Variants in RARS2 observed in about 807,000 individuals in gnomAD.
RARS2 encodes the protein probable arginine--tRNA ligase, mitochondrial.
RARS2 carries 67 observed loss-of-function variants against 88.5 expected under a neutral mutation model. The ratio of observed to expected loss-of-function variants is 0.76; its 90% CI spans 0.62 to 0.93. The LOEUF (loss-of-function observed/expected upper bound fraction) is 0.93. Among genes scored for constraint, RARS2 ranks in the 40% least tolerant of loss-of-function variants. The pLI is 0.00. For synonymous variants in RARS2, 239 were observed against 230.3 expected (o/e 1.04, Z -0.34); for missense variants, 664 against 684.2 (o/e 0.97, Z 0.33).
At chr6:87,584,133 C>T (rs989108615) in intron 1 of RARS2, among the ~76,000 whole-genome samples, 2 of 152,208 alleles carry the variant, frequency 1.3e-5, no homozygotes, top group Admixed American at 1.3e-4. Flanking sequence ...TTATAAAAGA[C>T]TCAAGGTTTC....
At chr6:87,531,682 AGTTGATG>A (rs1443190520) in intron 8 of RARS2, among the ~76,000 whole-genome samples, 7 of 152,208 alleles carry the variant, frequency 4.6e-5, no homozygotes, top group Admixed American at 2.0e-4. Flanking sequence ...ACTAGGGTGG[AGTTGATG>A]GTTTATTAAG....
chr6:87,535,305 A>C (rs1205044055), intron 8 of RARS2, among the ~76,000 whole-genome samples: 1 of 152,190 alleles, frequency 6.6e-6, no homozygotes, highest in Non-Finnish European at 1.5e-5. Context: ...TATTTACTTA[A>C]AGTTGAGAAA....
chr6:87,515,796 AAGACTTGGTATATT>A (rs1771486773), intron 18 of RARS2: 1 of 151,938 alleles, frequency 6.6e-6, no homozygotes, highest in African/African-American at 2.4e-5. Context: ...GACATTTCAT[AAGACTTGGTATATT>A]AGCTGGGCAT....
chr6:87,541,682 G>A (rs1582506402), intron 8 of RARS2, among the ~76,000 whole-genome samples: 1 of 152,064 alleles, frequency 6.6e-6, no homozygotes. Flanking sequence ...AAATTAGCTG[G>A]TTATGGTGGC....
chr6:87,518,031 C>A, intron 17 of RARS2, 138 bp downstream of exon 17: 1 of 1,533,310 alleles, frequency 6.5e-7, no homozygotes, highest in Non-Finnish European at 8.9e-7. Flanking sequence ...CAAATAATCA[C>A]TTTTTAAGGC....
chr6:87,555,493 G>C lies in RARS2; in HGVS notation c.310C>G (p.Gln104Glu), dbSNP rs747983014. Reference protein sequence around the residue: ...RELLTKTVLQQVIEDGSKYGL... With the variant: ...RELLTKTVLQEVIEDGSKYGL... ...TATTTTGAGCCATCTTCAATTACTT[G>C]TTGTAGCACTGTCTGAAAATTAAAG... The change falls in exon 5 of 20, where the codon CAA becomes GAA. Residue 104 changes from glutamine (Q) to glutamate (E), a missense_variant. By Grantham distance (29) the Gln-to-Glu change is conservative. Coordinates refer to ENST00000369536, the MANE Select transcript of RARS2 (RefSeq NM_020320.5). The C allele has an allele frequency of 3.7e-6, 6 of 1,611,708 alleles. No homozygotes were observed. In the Admixed American group the frequency reaches 5.0e-5, roughly 13 times the overall value.
At chr6:87,573,656 A>G (rs763449809) in intron 1 of RARS2, among the ~76,000 whole-genome samples, 47 of 152,174 alleles carry the variant, frequency 3.1e-4, no homozygotes, top group Admixed American at 5.2e-4. Context: ...CTAAGATGGT[A>G]AATTTTACGT....
Position 87,542,004 on chromosome 6 carries a change from T to C in RARS2, c.536-10A>G, listed in dbSNP as rs1453462061. On this transcript the variant is annotated splice_polypyrimidine_tract_variant and intron_variant, in intron 7 of 19. Transcript: ENST00000369536. ...CCAGTTCCCAGAAGACCTACCATGATAATCCGTAAATGAAAAATTATAAAG... is the reference window on the plus strand; with the variant it reads ...CCAGTTCCCAGAAGACCTACCATGACAATCCGTAAATGAAAAATTATAAAG... The C allele has an allele frequency of 6.2e-7, 1 of 1,607,148 alleles. No individual in the cohort carries two copies. Among genetic ancestry groups the C allele is most frequent in the Non-Finnish European group, 8.5e-7 (1 of 1,174,054 alleles).
chr6:87,543,336 G>A (rs1360078940), intron 7 of RARS2, among the ~76,000 whole-genome samples: 2 of 146,456 alleles, frequency 1.4e-5, no homozygotes. Flanking sequence ...AAAAACAAAA[G>A]CAAAAAAACA....
chr6:87,523,527 A>C (rs1176055227), intron 11 of RARS2, among the ~76,000 whole-genome samples: 1 of 152,220 alleles, frequency 6.6e-6, no homozygotes, highest in African/African-American at 2.4e-5. Context: ...AAAAAAGAGA[A>C]AGTACAGGTG....
intron 2 of RARS2, among the ~76,000 whole-genome samples, chr6:87,567,646 T>G (rs1031089650): frequency 2.0e-5 from 3 of 152,274 alleles, no homozygotes; most frequent in Non-Finnish European, 4.4e-5. Context: ...AGTTACATAC[T>G]GTAAAGGAAA....
intron 10 of RARS2, among the ~76,000 whole-genome samples, chr6:87,526,621 G>A (rs1775816085): frequency 6.7e-6 from 1 of 150,368 alleles, no homozygotes; most frequent in Non-Finnish European, 1.5e-5. Flanking sequence ...TAGGACCAAT[G>A]GAATAGAATA....
At chr6:87,569,923 A>G (rs2128189287) in intron 1 of RARS2, among the ~76,000 whole-genome samples, 1 of 152,002 alleles carries the variant, frequency 6.6e-6, no homozygotes, top group East Asian at 1.9e-4. Context: ...GCAAGAGAGG[A>G]GATAAACCAC....
chr6:87,555,149 T>C (rs1188197081), intron 5 of RARS2, among the ~76,000 whole-genome samples: 2 of 130,796 alleles, frequency 1.5e-5, no homozygotes, highest in African/African-American at 5.4e-5. Flanking sequence ...ATAAATAAAG[T>C]GAATAACTAG....
chr6:87,563,356 A>G (rs1788457714), intron 3 of RARS2, among the ~76,000 whole-genome samples: 1 of 152,232 alleles, frequency 6.6e-6, no homozygotes, highest in East Asian at 1.9e-4. Flanking sequence ...AATGGGGAAA[A>G]GGAACTAAAT....
intron 1 of RARS2, among the ~76,000 whole-genome samples, chr6:87,575,559 TGCTATTA>T (rs892628654): frequency 6.6e-6 from 1 of 152,022 alleles, no homozygotes; most frequent in African/African-American, 2.4e-5. Flanking sequence ...GAGGATGAGG[TGCTATTA>T]GCAATAAGTG....
intron 7 of RARS2, among the ~76,000 whole-genome samples, chr6:87,542,847 G>A (rs1370234706): frequency 1.3e-5 from 2 of 151,380 alleles, no homozygotes; most frequent in African/African-American, 4.9e-5. Context: ...ATAGCATTAG[G>A]AGATATACCT....
intron 1 of RARS2, among the ~76,000 whole-genome samples, chr6:87,569,793 G>A (rs1335085203): frequency 6.6e-6 from 1 of 151,712 alleles, no homozygotes; most frequent in Admixed American, 6.6e-5. Context: ...AAATTCTAAG[G>A]ATGAAGAATA....
In RARS2 at chr6:87,545,713, A is replaced by C. The variant is rs760515796; in HGVS notation, c.452-14T>G. On this transcript the variant is annotated splice_polypyrimidine_tract_variant and intron_variant, in intron 6 of 19. Transcript: ENST00000369536. ...CTATAAAATTTCCTAGTAATCAATAAAGTATATAGTTTCTCATTCTTGTTA... is the reference window on the plus strand; with the variant it reads ...CTATAAAATTTCCTAGTAATCAATACAGTATATAGTTTCTCATTCTTGTTA... 6 of 1,610,994 alleles carry C rather than the reference A, an allele frequency of 3.7e-6. No individual in the cohort carries two copies. Among genetic ancestry groups the C allele is most frequent in the Non-Finnish European group, 8.5e-7 (1 of 1,178,290 alleles).
Sources: allele counts gnomAD v4.1 joint callset (sites outside exome capture counted in the v4.1 genomes callset), GRCh38; gene constraint gnomAD v4.1.1; transcripts MANE v1.5; gene names NCBI Gene and HGNC (gene_info 2026-07-23, HGNC 2026-07-21).